Variants in MYO16 observed in about 807,000 individuals in gnomAD.
MYO16 encodes the protein unconventional myosin-XVI.
MYO16 carries 94 observed loss-of-function variants against 205.3 expected under a neutral mutation model. The ratio of observed to expected loss-of-function variants is 0.46; its 90% confidence interval spans 0.39 to 0.54. The LOEUF is 0.54. MYO16 is among the 20% of genes least tolerant of loss of function. MYO16 has a pLI of 0.00. For synonymous variants in MYO16, 988 were observed against 954.0 expected (o/e 1.04, Z -0.66); for missense variants, 2,315 against 2,387.5 (o/e 0.97, Z 0.63).
chr13:109,172,842 T>A (rs1878977580), intron 33 of MYO16, among the ~76,000 whole-genome samples: 1 of 152,118 alleles, frequency 6.6e-6, no homozygotes, highest in Non-Finnish European at 1.5e-5. Context: ...TAGATGGAGG[T>A]GCAAGGCAGT....
At position 108,930,808 on chromosome 13, in the gene MYO16, AAT is replaced by A. The variant is rs368555155; in HGVS notation, c.1925+20662_1925+20663del. Reference sequence around the variant, plus strand: ...TATGTTTGTCCACCTAGAAAAATCAAATATAAATAAACCAATGGGAAAGCATT... The same window carrying A: ...TATGTTTGTCCACCTAGAAAAATCAAATAAATAAACCAATGGGAAAGCATT... On this transcript the variant is annotated intron_variant, in intron 16 of 34. Coordinates refer to ENST00000457511, the MANE Select transcript of MYO16 (RefSeq NM_001198950.3). Among the ~76,000 whole-genome samples, 533 of 152,352 alleles carry A rather than the reference AAT, an allele frequency of 3.5e-3. 7 individuals carry two copies. The highest frequency in any genetic ancestry group is 0.012 in the African/African-American group (509 of 41,580).
At chr13:108,803,308 T>A (rs1887020447) in intron 6 of MYO16, among the ~76,000 whole-genome samples, 1 of 152,348 alleles carries the variant, frequency 6.6e-6, no homozygotes, top group East Asian at 1.9e-4. Context: ...TATTTTAATT[T>A]CTATAAATAT....
Position 108,752,808 on chromosome 13 carries a change from A to ATCTTTTTTTTT in MYO16, c.507+25226_507+25227insCTTTTTTTTTT, listed in dbSNP as rs751233713. 3.3e-5 allele frequency among the ~76,000 whole-genome samples: 3 copies of ATCTTTTTTTTT among 90,586 alleles called. 1 individual carries two copies. Among genetic ancestry groups the ATCTTTTTTTTT allele is most frequent in the African/African-American group, 8.2e-5 (2 of 24,478 alleles). The allele number at this position is 90,586 out of a possible 152,430, so 59.4% of individuals were successfully genotyped here. On this transcript the variant is annotated intron_variant, in intron 4 of 34. Coordinates refer to ENST00000457511, the MANE Select transcript of MYO16 (RefSeq NM_001198950.3). ...AGACACCTGCCACCGTGCCCAGCTA[A>ATCTTTTTTTTT]TTTTTTTTTTTTTTTTTTTTTTTTT...
chr13:109,065,191 G>T lies in MYO16; in HGVS notation c.3335+9596G>T, dbSNP rs562409722. On this transcript the variant is annotated intron_variant, in intron 27 of 34. Coordinates refer to ENST00000457511, the MANE Select transcript of MYO16 (RefSeq NM_001198950.3). ...CAAGTTTCCATGGACAAGGAAAGAA[G>T]CTTGCAGCCTTCTTAAAAGCTAGGC... is the stretch of plus-strand genomic sequence containing the variant. Among the ~76,000 whole-genome samples the T allele has an allele frequency of 2.0e-5, 3 of 152,292 alleles. No homozygotes were observed. In the East Asian group the frequency reaches 5.8e-4, roughly 29 times the overall value.
chr13:108,559,982 T>C, the MYO16 span, among the ~76,000 whole-genome samples: 2 of 152,170 alleles, frequency 1.3e-5, no homozygotes, highest in Admixed American at 1.3e-4. Flanking sequence ...AAAATTGTTA[T>C]GGTAGACTAA....
At chr13:108,640,646 C>G (rs371906695) in intron 1 of MYO16, among the ~76,000 whole-genome samples, 1 of 151,906 alleles carries the variant, frequency 6.6e-6, no homozygotes, top group Non-Finnish European at 1.5e-5. Context: ...CACCCTCTGC[C>G]GGTGGTCCAA....
At position 108,827,180 on chromosome 13, in the gene MYO16, G is replaced by A. The variant is rs185807714; in HGVS notation, c.1097+3902G>A. 4.1e-3 allele frequency among the ~76,000 whole-genome samples: 618 copies of A among 152,182 alleles called. 4 individuals are homozygous for A. The highest frequency in any genetic ancestry group is 0.014 in the African/African-American group (591 of 41,510). The stretch of plus-strand genomic sequence containing the variant: ...CATGTATTCCGTCATCTGAATCATG[G>A]CTGCTCATTTTTCTTTGTCAGTCTT... On this transcript the variant is annotated intron_variant, in intron 9 of 34. Coordinates refer to ENST00000457511, the MANE Select transcript of MYO16 (RefSeq NM_001198950.3).
the MYO16 span, among the ~76,000 whole-genome samples, chr13:108,552,546 T>G: frequency 6.6e-6 from 1 of 152,278 alleles, no homozygotes; most frequent in Admixed American, 6.5e-5. Context: ...TACCTACAGC[T>G]TATGTTCAAC....
intron 2 of MYO16, among the ~76,000 whole-genome samples, chr13:108,672,960 G>T: frequency 6.6e-6 from 1 of 151,232 alleles, no homozygotes; most frequent in East Asian, 1.9e-4. Flanking sequence ...TGCCTTGCAG[G>T]TATGTTCTGC....
intron 12 of MYO16, among the ~76,000 whole-genome samples, chr13:108,881,848 T>A (rs1275593966): frequency 6.6e-6 from 1 of 152,130 alleles, no homozygotes; most frequent in Non-Finnish European, 1.5e-5. Context: ...ACGAGGAGAA[T>A]GGAACCAAGT....
chr13:108,645,447 A>G (rs1418592793), intron 1 of MYO16, among the ~76,000 whole-genome samples: 1 of 152,130 alleles, frequency 6.6e-6, no homozygotes, highest in Non-Finnish European at 1.5e-5. Flanking sequence ...TGTAGCTTTA[A>G]AAAGGCTCTC....
At position 108,629,862 on chromosome 13, in the gene MYO16, T is replaced by C. The variant is rs1173988051; in HGVS notation, c.18T>C (p.Phe6=). 6.5e-7 allele frequency: 1 copy of C among 1,528,154 alleles called. No homozygotes were observed. Among genetic ancestry groups the C allele is most frequent in the Non-Finnish European group, 8.8e-7 (1 of 1,140,368 alleles). 94.7% of individuals were successfully genotyped at this position (1,528,154 alleles called of 1,614,324 possible). The change falls in exon 1 of 35, where the codon TTT becomes TTC. Residue 6 remains phenylalanine (F), a synonymous_variant. Transcript: ENST00000457511. MSHYH[F]IKCCCFQLCN... Reference sequence around the variant, plus strand: ...ATGGAAAGATGTCTCACTATCATTTTATCAAGTGCTGTAAGTAAGCTTGAT... The same window carrying C: ...ATGGAAAGATGTCTCACTATCATTTCATCAAGTGCTGTAAGTAAGCTTGAT...
At chr13:108,583,518 T>C in the MYO16 span, among the ~76,000 whole-genome samples, 1 of 152,198 alleles carries the variant, frequency 6.6e-6, no homozygotes, top group African/African-American at 2.4e-5. Flanking sequence ...CAAGTATGCA[T>C]AGAGGACTTG....
intron 34 of MYO16, among the ~76,000 whole-genome samples, chr13:109,205,475 T>G (rs1195704872): frequency 6.6e-6 from 1 of 152,224 alleles, no homozygotes; most frequent in Non-Finnish European, 1.5e-5. Context: ...AGGGTTGTGA[T>G]GAGATAGAAG....
intron 4 of MYO16, among the ~76,000 whole-genome samples, chr13:108,743,085 T>C (rs1349039439): frequency 4.6e-5 from 7 of 152,242 alleles, no homozygotes; most frequent in African/African-American, 1.7e-4. Context: ...CACATTTTAA[T>C]AGTTGCATTT....
intron 2 of MYO16, among the ~76,000 whole-genome samples, chr13:108,701,389 TG>T (rs1883301812): frequency 6.6e-6 from 1 of 152,122 alleles, no homozygotes; most frequent in Admixed American, 6.6e-5. Flanking sequence ...CTGTTATCAC[TG>T]GAGTAGGTTT....
chr13:108,666,281 A>C lies in MYO16; in HGVS notation c.292+132A>C, dbSNP rs1237210546. ...AAATATTGGAGGCTACTATCTTTTAACTGTTTGTATTATTCAAGAAAAAAA... is the reference window on the plus strand; with the variant it reads ...AAATATTGGAGGCTACTATCTTTTACCTGTTTGTATTATTCAAGAAAAAAA... On this transcript the variant is annotated intron_variant, in intron 2 of 34. Coordinates refer to ENST00000457511, the MANE Select transcript of MYO16 (RefSeq NM_001198950.3). The C allele has an allele frequency of 1.0e-5, 11 of 1,048,328 alleles. No individual in the cohort carries two copies. The East Asian group carries it at 2.4e-4, about 23-fold the overall frequency. The allele number at this position is 1,048,328 out of a possible 1,614,324, so 64.9% of individuals were successfully genotyped here. A position where few individuals can be genotyped will look rare whatever the true frequency, so the allele number is the denominator to read the frequency against.
chr13:109,185,414 A>G (rs986602338), intron 34 of MYO16, among the ~76,000 whole-genome samples: 1 of 152,116 alleles, frequency 6.6e-6, no homozygotes, highest in Non-Finnish European at 1.5e-5. Context: ...AAAAAAAGCT[A>G]AAAGCTTACT....
At chr13:108,805,200 T>C (rs559452701) in intron 6 of MYO16, among the ~76,000 whole-genome samples, 3 of 152,322 alleles carry the variant, frequency 2.0e-5, no homozygotes, top group Admixed American at 6.5e-5. Context: ...AAAATACTTA[T>C]GGATATATCA....
Sources: allele counts gnomAD v4.1 joint callset (sites outside exome capture counted in the v4.1 genomes callset), GRCh38; gene constraint gnomAD v4.1.1; transcripts MANE v1.5; gene names NCBI Gene and HGNC (gene_info 2026-07-23, HGNC 2026-07-21).